Variants in GRM5 observed in about 807,000 individuals in gnomAD.
GRM5 encodes glutamate metabotropic receptor 5.
GRM5 carries 19 observed loss-of-function variants against 83.1 expected under a neutral mutation model. The ratio of observed to expected loss-of-function variants is 0.23; its 90% CI spans 0.16 to 0.34. The LOEUF (loss-of-function observed/expected upper bound fraction) is 0.34, where lower values mean the gene tolerates loss of function less well. Among genes scored for constraint, GRM5 ranks in the 10% least tolerant of loss-of-function variants. GRM5 has a pLI of 1.00. For synonymous variants in GRM5, 675 were observed against 633.6 expected, an observed-to-expected ratio of 1.07 and a Z score of -0.98; for missense variants, 1,160 against 1,588.3, an observed-to-expected ratio of 0.73 and a Z score of 4.58.
At chr11:89,033,807 C>T (rs1451171237) in intron 2 of GRM5, among the ~76,000 whole-genome samples, 1 of 151,466 alleles carries the variant, frequency 6.6e-6, no homozygotes, top group East Asian at 1.9e-4. Context: ...TCAATCCAAA[C>T]ATCAATTATA....
At chr11:88,969,100 A>T (rs1939083997) in intron 2 of GRM5, among the ~76,000 whole-genome samples, 2 of 152,150 alleles carry the variant, frequency 1.3e-5, no homozygotes, top group African/African-American at 4.8e-5. Flanking sequence ...GAAGTAATGA[A>T]CAACAGGTGA....
intron 2 of GRM5, among the ~76,000 whole-genome samples, chr11:89,002,417 A>T: frequency 6.6e-6 from 1 of 152,182 alleles, no homozygotes; most frequent in East Asian, 1.9e-4. Context: ...TTCCTAAAAA[A>T]AACTCAAAAA....
At chr11:88,965,268 T>C (rs1041516490) in intron 2 of GRM5, among the ~76,000 whole-genome samples, 2 of 152,176 alleles carry the variant, frequency 1.3e-5, no homozygotes, top group African/African-American at 4.8e-5. Flanking sequence ...TGCCAGTGTG[T>C]TGATTTCTGG....
At chr11:88,845,409 C>G (rs1590906478) in intron 3 of GRM5, among the ~76,000 whole-genome samples, 1 of 135,192 alleles carries the variant, frequency 7.4e-6, no homozygotes, top group Non-Finnish European at 1.5e-5. Flanking sequence ...GGCTACAGTA[C>G]AGTATAAACA....
intron 2 of GRM5, among the ~76,000 whole-genome samples, chr11:88,997,390 T>C (rs1940219438): frequency 6.7e-6 from 1 of 148,692 alleles, no homozygotes; most frequent in South Asian, 2.1e-4. Flanking sequence ...GTAGCATGAC[T>C]TTCCACCTCA....
intron 2 of GRM5, among the ~76,000 whole-genome samples, chr11:88,903,203 G>T (rs957874575): frequency 6.6e-6 from 1 of 152,076 alleles, no homozygotes; most frequent in Non-Finnish European, 1.5e-5. Flanking sequence ...TCAAAGAAAA[G>T]CAAGAGAAAG....
intron 3 of GRM5, among the ~76,000 whole-genome samples, chr11:88,810,069 G>C (rs1943563212): frequency 6.6e-6 from 1 of 151,984 alleles, no homozygotes; most frequent in Non-Finnish European, 1.5e-5. Context: ...TGTTACAGTA[G>C]GACCTCTGTG....
At chr11:88,542,338 T>C (rs974145146) in intron 8 of GRM5, among the ~76,000 whole-genome samples, 2 of 149,786 alleles carry the variant, frequency 1.3e-5, no homozygotes, top group Non-Finnish European at 3.0e-5. Flanking sequence ...ATAACCAAAA[T>C]TACCAAAGGC....
At chr11:89,049,152 T>C (rs1317794602) in intron 1 of GRM5, among the ~76,000 whole-genome samples, 1 of 152,152 alleles carries the variant, frequency 6.6e-6, no homozygotes, top group Non-Finnish European at 1.5e-5. Context: ...ATCAGTCCTC[T>C]AGCCCTGATC....
intron 4 of GRM5, among the ~76,000 whole-genome samples, chr11:88,643,204 G>A (rs900162656): frequency 2.6e-5 from 4 of 152,096 alleles, no homozygotes; most frequent in Admixed American, 6.6e-5. Context: ...AAGGCAGAGC[G>A]AGAGCAGGCA....
At chr11:88,939,834 G>GA (rs1392356646) in intron 2 of GRM5, among the ~76,000 whole-genome samples, 1 of 151,790 alleles carries the variant, frequency 6.6e-6, no homozygotes, top group African/African-American at 2.4e-5. Context: ...CTTCCTAGTT[G>GA]AAAAAATAAG....
At chr11:88,848,853 T>C (rs1944341885) in intron 3 of GRM5, among the ~76,000 whole-genome samples, 1 of 152,178 alleles carries the variant, frequency 6.6e-6, no homozygotes, top group Non-Finnish European at 1.5e-5. Context: ...TTGCCCTCTC[T>C]AATATGGATG....
chr11:88,952,119 C>G (rs1240957660), intron 2 of GRM5, among the ~76,000 whole-genome samples: 1 of 38,862 alleles, frequency 2.6e-5, no homozygotes, highest in Admixed American at 4.4e-4. Context: ...TGTGCACATA[C>G]AAACAAACAC....
intron 3 of GRM5, among the ~76,000 whole-genome samples, chr11:88,690,707 G>T (rs950254040): frequency 6.6e-6 from 1 of 152,162 alleles, no homozygotes; most frequent in Non-Finnish European, 1.5e-5. Context: ...GTCACAGACA[G>T]ATAAAAGCTG....
intron 2 of GRM5, among the ~76,000 whole-genome samples, chr11:88,968,879 C>A (rs1404144044): frequency 6.6e-6 from 1 of 152,014 alleles, no homozygotes; most frequent in Non-Finnish European, 1.5e-5. Context: ...GACAAGAAAT[C>A]TTTAATTATT....
intron 2 of GRM5, among the ~76,000 whole-genome samples, chr11:88,851,337 A>C (rs907640223): frequency 1.2e-4 from 19 of 152,174 alleles, no homozygotes; most frequent in African/African-American, 4.6e-4. Flanking sequence ...AGAACATATA[A>C]GGATGTGACT....
chr11:88,837,974 A>G (rs1944122672), intron 3 of GRM5, among the ~76,000 whole-genome samples: 1 of 146,590 alleles, frequency 6.8e-6, no homozygotes, highest in Non-Finnish European at 1.5e-5. Flanking sequence ...AGTCCCAGCT[A>G]CTTGGGAGGC....
At chr11:88,981,482 T>C (rs1290253924) in intron 2 of GRM5, among the ~76,000 whole-genome samples, 2 of 152,170 alleles carry the variant, frequency 1.3e-5, no homozygotes, top group African/African-American at 2.4e-5. Flanking sequence ...GTGATCTTTA[T>C]GCTATTTACA....
chr11:88,595,559 G>A (rs10128637), intron 6 of GRM5, among the ~76,000 whole-genome samples: 10,429 of 152,072 alleles, frequency 0.069, 1,200 homozygotes, highest in African/African-American at 0.23. Context: ...TTCTGTCTAC[G>A]TTGCTGTGAA....
Sources: allele counts gnomAD v4.1 joint callset (sites outside exome capture counted in the v4.1 genomes callset), GRCh38; gene constraint gnomAD v4.1.1; transcripts MANE v1.5; gene names NCBI Gene and HGNC (gene_info 2026-07-23, HGNC 2026-07-21).